FBXL20: variants seen among roughly 807,000 people sequenced by gnomAD.
FBXL20 encodes F-box/LRR-repeat protein 20.
FBXL20 carries 11 observed loss-of-function variants against 64.0 expected under a neutral mutation model. That is an observed-to-expected ratio of 0.17 (90% CI 0.11 to 0.28). The LOEUF (loss-of-function observed/expected upper bound fraction) is 0.28. FBXL20 is among the 10% of genes least tolerant of loss of function. The pLI, the probability that FBXL20 is intolerant of heterozygous loss-of-function variation, is 1.00. For synonymous variants in FBXL20, 184 were observed against 189.0 expected (o/e 0.97, Z 0.22); for missense variants, 303 against 526.2 (o/e 0.58, Z 4.15).
Position 39,308,493 on chromosome 17 carries a change from T to C in FBXL20, c.105-4854A>G, listed in dbSNP as rs1461940456. 1.2e-4 allele frequency among the ~76,000 whole-genome samples: 18 copies of C among 151,172 alleles called. No individual in the cohort carries two copies. In the South Asian group the frequency reaches 3.7e-3, roughly 31 times the overall value. On this transcript the variant is annotated intron_variant, in intron 2 of 14. Transcript: ENST00000264658. ...CTGGGCAACAGAGCCAGACTGTCTC[T>C]TAAAAAAAGAAAAAAAAATAGGTTT...
intron 2 of FBXL20, among the ~76,000 whole-genome samples, chr17:39,317,761 G>A (rs1271577951): frequency 1.4e-5 from 2 of 143,662 alleles, no homozygotes; most frequent in African/African-American, 5.2e-5. Flanking sequence ...GAGTGCAGTG[G>A]CACGATCTCG....
chr17:39,258,675 C>T lies in FBXL20; in HGVS notation c.*2785G>A, dbSNP rs1040815538. On this transcript the variant is annotated 3_prime_UTR_variant, in exon 15 of 15. Transcript: ENST00000264658. Reference sequence around the variant, plus strand: ...TTTAAGTAAAGAAGTACCTTAATAGCCTCAACTTAGGCAACTCAAATCCAC... The same window carrying T: ...TTTAAGTAAAGAAGTACCTTAATAGTCTCAACTTAGGCAACTCAAATCCAC... The T allele has an allele frequency of 6.6e-6, 1 of 152,188 alleles. No homozygotes were observed. 9.4% of individuals were successfully genotyped at this position (152,188 alleles called of 1,614,324 possible). A position where few individuals can be genotyped will look rare whatever the true frequency, so the allele number is the denominator to read the frequency against.
intron 1 of FBXL20, among the ~76,000 whole-genome samples, chr17:39,373,155 G>C (rs867299515): frequency 3.3e-5 from 5 of 151,922 alleles, no homozygotes; most frequent in Middle Eastern, 6.8e-3. Flanking sequence ...GACCCCCTTT[G>C]TAGAGAGGAA....
At chr17:39,335,599 A>G (rs1457420287) in intron 2 of FBXL20, among the ~76,000 whole-genome samples, 1 of 151,804 alleles carries the variant, frequency 6.6e-6, no homozygotes, top group Non-Finnish European at 1.5e-5. Context: ...AAAAAAAAAA[A>G]AAAAAGAAGG....
rs368530587 is a variant in FBXL20, at chr17:39,289,998, C to CAAAAA, written c.399-4430_399-4426dup. Among the ~76,000 whole-genome samples, 191 of 41,854 alleles carry CAAAAA rather than the reference C, an allele frequency of 4.6e-3. 17 individuals carry two copies. Among genetic ancestry groups the CAAAAA allele is most frequent in the African/African-American group, 0.013 (168 of 13,378 alleles). 27.5% of individuals were successfully genotyped at this position (41,854 alleles called of 152,430 possible). A position where few individuals can be genotyped will look rare whatever the true frequency, so the allele number is the denominator to read the frequency against. On this transcript the variant is annotated intron_variant, in intron 6 of 14. Coordinates refer to ENST00000264658, the MANE Select transcript of FBXL20 (RefSeq NM_032875.3). ...TGGGCAATAGTGCGAGACTCAGTCT[C>CAAAAA]AAAAAAAAAAAAAAAAAAAAAAAAA... is the stretch of plus-strand genomic sequence containing the variant.
intron 1 of FBXL20, among the ~76,000 whole-genome samples, chr17:39,398,743 C>T (rs969005711): frequency 6.6e-6 from 1 of 151,898 alleles, no homozygotes; most frequent in African/African-American, 2.4e-5. Flanking sequence ...GGCACAATCT[C>T]GGCTCAATAC....
chr17:39,272,430 A>G (rs995550613), intron 10 of FBXL20, among the ~76,000 whole-genome samples: 1 of 150,532 alleles, frequency 6.6e-6, no homozygotes, highest in Admixed American at 6.6e-5. Flanking sequence ...AGAGATGGCC[A>G]GGTGCGTTGA....
intron 7 of FBXL20, among the ~76,000 whole-genome samples, chr17:39,284,054 T>C (rs1198013566): frequency 1.3e-5 from 2 of 152,136 alleles, no homozygotes; most frequent in Non-Finnish European, 2.9e-5. Context: ...ATTCCTACCA[T>C]AGCATTTATT....
rs527990217 is a variant in FBXL20 at position 39,382,368 on chromosome 17, A to G, written c.42+18993T>C. The stretch of plus-strand genomic sequence containing the variant: ...TGAGGAAGGAGAATGGCGTGAACCC[A>G]GGAGGTGGAGGTTGCAGTGAGCCCA... On this transcript the variant is annotated intron_variant, in intron 1 of 14. Coordinates refer to ENST00000264658, the MANE Select transcript of FBXL20 (RefSeq NM_032875.3). 1.2e-4 allele frequency among the ~76,000 whole-genome samples: 17 copies of G among 138,642 alleles called. No homozygotes were observed. The South Asian group carries it at 4.0e-3, about 33-fold the overall frequency. The allele number at this position is 138,642 out of a possible 152,430, so 91.0% of individuals were successfully genotyped here.
At chr17:39,302,715 G>A (rs1249302089) in intron 3 of FBXL20, among the ~76,000 whole-genome samples, 1 of 151,936 alleles carries the variant, frequency 6.6e-6, no homozygotes, top group Non-Finnish European at 1.5e-5. Context: ...TCCCTATGTT[G>A]CCCAGGTTAG....
chr17:39,335,770 T>G (rs1036568432), intron 2 of FBXL20, among the ~76,000 whole-genome samples: 2 of 152,168 alleles, frequency 1.3e-5, no homozygotes, highest in Non-Finnish European at 1.5e-5. Context: ...TTTCACATTA[T>G]GCAAACAGTG....
chr17:39,377,233 ACTGGCTCATCTGATCTTGGAGCCCCCACC>A, intron 1 of FBXL20, among the ~76,000 whole-genome samples: 1 of 152,120 alleles, frequency 6.6e-6, no homozygotes, highest in Non-Finnish European at 1.5e-5. Context: ...AGATCGATTA[ACTGGCTCATCTGATCTTGGAGCCCCCACC>A]CAGGAACTGA....
upstream of FBXL20, chr17:39,401,729 A>G (rs1216331534): frequency 9.9e-6 from 5 of 507,254 alleles, no homozygotes; most frequent in African/African-American, 4.3e-5. Flanking sequence ...CGGGAGGGGG[A>G]GGGGCGGGAG....
At chr17:39,291,026 A>T (rs2047033521) in intron 6 of FBXL20, among the ~76,000 whole-genome samples, 1 of 150,640 alleles carries the variant, frequency 6.6e-6, no homozygotes, top group South Asian at 2.1e-4. Flanking sequence ...CAGTGGCGCG[A>T]TCTCGGCTCA....
chr17:39,264,509 TA>T, intron 13 of FBXL20, 122 bp from the exon 14 acceptor site: 1 of 972,610 alleles, frequency 1.0e-6, no homozygotes, highest in South Asian at 1.7e-5. Context: ...GAGCTGGCAC[TA>T]GATCCACGTG....
chr17:39,368,132 T>C (rs1290859932), intron 1 of FBXL20, among the ~76,000 whole-genome samples: 4 of 152,188 alleles, frequency 2.6e-5, no homozygotes, highest in Non-Finnish European at 5.9e-5. Flanking sequence ...CTTACTCCTA[T>C]AATCTCAACA....
chr17:39,351,920 T>G (rs774354202), intron 1 of FBXL20, among the ~76,000 whole-genome samples: 4 of 152,228 alleles, frequency 2.6e-5, no homozygotes, highest in Non-Finnish European at 4.4e-5. Context: ...TTGGTTTGTA[T>G]AAAATTATAA....
intron 2 of FBXL20, among the ~76,000 whole-genome samples, chr17:39,339,261 T>C (rs984045526): frequency 2.7e-5 from 4 of 150,020 alleles, no homozygotes; most frequent in African/African-American, 9.8e-5. Context: ...AGCCAGGCCA[T>C]AGTTTAAGAG....
chr17:39,397,684 T>C (rs918307158), intron 1 of FBXL20, among the ~76,000 whole-genome samples: 1 of 152,120 alleles, frequency 6.6e-6, no homozygotes, highest in African/African-American at 2.4e-5. Flanking sequence ...GGTGTGGTAA[T>C]CACACCTGTA....
Sources: allele counts gnomAD v4.1 joint callset (sites outside exome capture counted in the v4.1 genomes callset), GRCh38; gene constraint gnomAD v4.1.1; transcripts MANE v1.5; gene names NCBI Gene and HGNC (gene_info 2026-07-23, HGNC 2026-07-21).